The following OSBPL3 variants were observed in gnomAD, a reference collection of about 807,000 sequenced individuals.
OSBPL3 encodes oxysterol binding protein like 3, also known as oxysterol-binding protein-related protein 3.
Under a neutral mutation model 120.1 loss-of-function variants are expected in OSBPL3, and 65 were observed. That is an observed-to-expected ratio of 0.54 (90% CI 0.44 to 0.67). The LOEUF (loss-of-function observed/expected upper bound fraction) is 0.67, where lower values mean the gene tolerates loss of function less well. Among genes scored for constraint, OSBPL3 ranks in the 30% least tolerant of loss-of-function variants. The pLI is 0.00. For synonymous variants in OSBPL3, 416 were observed against 402.6 expected, an observed-to-expected ratio of 1.03 and a Z score of -0.40; for missense variants, 1,004 against 1,082.1, an observed-to-expected ratio of 0.93 and a Z score of 1.01.
Position 24,820,818 on chromosome 7 carries a change from A to G in OSBPL3, c.1885-580T>C, listed in dbSNP as rs983480629. Among the ~76,000 whole-genome samples the G allele has an allele frequency of 3.7e-5, 1 of 27,240 alleles. No homozygotes were observed. Among genetic ancestry groups the G allele is most frequent in the Non-Finnish European group, 5.7e-5 (1 of 17,628 alleles). The allele number at this position is 27,240 out of a possible 152,430, so 17.9% of individuals were successfully genotyped here. Reference sequence around the variant, plus strand: ...TTTTTTAAAAAAGAGTGTTTCTATTAAAAAAAAAAAAGGTAAACACAATTG... The same window carrying G: ...TTTTTTAAAAAAGAGTGTTTCTATTGAAAAAAAAAAAGGTAAACACAATTG... On this transcript the variant is annotated intron_variant, in intron 16 of 22. Transcript: ENST00000313367. The surrounding 1 kb of genome is among the most constrained non-coding windows in gnomAD (Gnocchi z 4.6).
chr7:24,902,280 T>A (rs1330381285), intron 1 of OSBPL3, among the ~76,000 whole-genome samples: 1 of 152,214 alleles, frequency 6.6e-6, no homozygotes, highest in Non-Finnish European at 1.5e-5. Context: ...TATATACAAA[T>A]ACCCATATTA....
At chr7:24,919,205 A>T (rs1481980384) in intron 1 of OSBPL3, among the ~76,000 whole-genome samples, 1 of 152,168 alleles carries the variant, frequency 6.6e-6, no homozygotes, top group Non-Finnish European at 1.5e-5. Flanking sequence ...TCAGCATCAC[A>T]TCAAAAAATA....
rs747855606 is a variant in OSBPL3, at chr7:24,870,862, A to G, written c.268-17T>C. ...TCTCTCTATCTGCAGAGGCACCAAGAGGGTCACTTGGGGACCATGGTGTTA... is the reference window on the plus strand; with the variant it reads ...TCTCTCTATCTGCAGAGGCACCAAGGGGGTCACTTGGGGACCATGGTGTTA... On this transcript the variant is annotated splice_polypyrimidine_tract_variant and intron_variant, in intron 4 of 22. Coordinates refer to ENST00000313367, the MANE Select transcript of OSBPL3 (RefSeq NM_015550.4). 1.3e-6 allele frequency: 2 copies of G among 1,522,502 alleles called. No individual in the cohort carries two copies. Among genetic ancestry groups the G allele is most frequent in the East Asian group, 4.5e-5 (2 of 44,472 alleles). 94.3% of individuals were successfully genotyped at this position (1,522,502 alleles called of 1,614,324 possible).
Position 24,863,690 on chromosome 7 carries a change from T to A in OSBPL3, c.674-91A>T. On this transcript the variant is annotated intron_variant, in intron 7 of 22. Coordinates refer to ENST00000313367, the MANE Select transcript of OSBPL3 (RefSeq NM_015550.4). This position sits in a 1 kb window ranked among gnomAD's most constrained non-coding sequence, Gnocchi z 5.8. ...CATGCCAGCTACTTTTCCTTATTTATCTGTAGTTGATTTTTTTTTTCATCT... is the reference window on the plus strand; with the variant it reads ...CATGCCAGCTACTTTTCCTTATTTAACTGTAGTTGATTTTTTTTTTCATCT... The A allele has an allele frequency of 2.4e-6, 2 of 830,574 alleles. No homozygotes were observed. The highest frequency in any genetic ancestry group is 3.9e-6 in the Non-Finnish European group (2 of 507,534). The allele number at this position is 830,574 out of a possible 1,614,324, so 51.5% of individuals were successfully genotyped here. A position where few individuals can be genotyped will look rare whatever the true frequency, so the allele number is the denominator to read the frequency against.
At position 24,967,367 on chromosome 7, in the gene OSBPL3, T is replaced by C. The variant is rs751840967; in HGVS notation, c.-150+12519A>G. Among the ~76,000 whole-genome samples, 51 of 152,302 alleles carry C rather than the reference T, an allele frequency of 3.3e-4. No individual in the cohort carries two copies. The highest frequency in any genetic ancestry group is 6.2e-4 in the Non-Finnish European group (42 of 68,020). On this transcript the variant is annotated intron_variant, in intron 1 of 22. Coordinates refer to ENST00000313367, the MANE Select transcript of OSBPL3 (RefSeq NM_015550.4). This position sits in a 1 kb window ranked among gnomAD's most constrained non-coding sequence, Gnocchi z 5.6. The stretch of plus-strand genomic sequence containing the variant: ...TTTTCACCTTTGCTCATCACTCCCC[T>C]CTACCTGAAATGTCCTTCTCTCCCA...
chr7:24,888,650 A>G (rs1028458912), intron 2 of OSBPL3, among the ~76,000 whole-genome samples: 3 of 152,228 alleles, frequency 2.0e-5, no homozygotes, highest in African/African-American at 7.2e-5. Flanking sequence ...GAAAACACCT[A>G]GGTCTCAATC....
intron 2 of OSBPL3, among the ~76,000 whole-genome samples, chr7:24,884,294 T>C (rs940889126): frequency 2.2e-4 from 34 of 152,314 alleles, no homozygotes; most frequent in African/African-American, 7.9e-4. Context: ...AAACAGTTGG[T>C]TGCCGGGTCA....
intron 6 of OSBPL3, 77 bp downstream of exon 6, chr7:24,865,993 A>T: frequency 1.6e-6 from 2 of 1,220,410 alleles, no homozygotes; most frequent in South Asian, 1.3e-5. Context: ...CCTTCTTCGG[A>T]CTCAGCTCCC....
intron 1 of OSBPL3, among the ~76,000 whole-genome samples, chr7:24,928,690 C>T (rs1407883619): frequency 6.6e-6 from 1 of 152,168 alleles, no homozygotes; most frequent in Non-Finnish European, 1.5e-5. Context: ...CAACTCTAAC[C>T]CTGATGCCTC....
rs964408894 is a variant in OSBPL3, at chr7:24,820,105, A to C, written c.1948+70T>G. On this transcript the variant is annotated intron_variant, in intron 17 of 22. Transcript: ENST00000313367. The surrounding 1 kb of genome is among the most constrained non-coding windows in gnomAD (Gnocchi z 4.6). Reference sequence around the variant, plus strand: ...TTTGATCTCAGTAAGAATTGACAGCAATTCTTGGATAAAATAAATAGATAA... The same window carrying C: ...TTTGATCTCAGTAAGAATTGACAGCCATTCTTGGATAAAATAAATAGATAA... 1.2e-5 allele frequency: 14 copies of C among 1,153,554 alleles called. No individual in the cohort carries two copies. The highest frequency in any genetic ancestry group is 3.8e-5 in the Admixed American group (2 of 53,154). The allele number at this position is 1,153,554 out of a possible 1,614,324, so 71.5% of individuals were successfully genotyped here.
intron 1 of OSBPL3, among the ~76,000 whole-genome samples, chr7:24,954,005 A>T (rs1814751446): frequency 6.6e-6 from 1 of 152,242 alleles, no homozygotes; most frequent in Non-Finnish European, 1.5e-5. Context: ...GTACACTGGA[A>T]GTGGCAGCTC....
intron 12 of OSBPL3, among the ~76,000 whole-genome samples, chr7:24,848,617 A>G (rs962212260): frequency 7.9e-5 from 12 of 152,200 alleles, no homozygotes; most frequent in Non-Finnish European, 1.6e-4. Context: ...CATTCTATAA[A>G]AGAAAAAGAA....
At chr7:24,878,982 A>T (rs1490252784) in intron 2 of OSBPL3, among the ~76,000 whole-genome samples, 3 of 152,228 alleles carry the variant, frequency 2.0e-5, no homozygotes, top group African/African-American at 4.8e-5. Context: ...ACAGAATCTG[A>T]AGGCAAAACC....
chr7:24,919,019 A>C (rs1265461379), intron 1 of OSBPL3, among the ~76,000 whole-genome samples: 1 of 152,210 alleles, frequency 6.6e-6, no homozygotes, highest in Non-Finnish European at 1.5e-5. Context: ...TAAGAAACAG[A>C]GCCAGTGGCC....
chr7:24,903,625 T>A (rs1807395480), intron 1 of OSBPL3, among the ~76,000 whole-genome samples: 1 of 152,228 alleles, frequency 6.6e-6, no homozygotes, highest in African/African-American at 2.4e-5. Context: ...AGCGGACTTT[T>A]CAGAAGTCTG....
chr7:24,846,132 T>C (rs530062341), intron 12 of OSBPL3, among the ~76,000 whole-genome samples: 18 of 152,350 alleles, frequency 1.2e-4, no homozygotes, highest in African/African-American at 3.6e-4. Flanking sequence ...ATAACATCTA[T>C]GCTTGAGAGA....
In OSBPL3 at chr7:24,861,774, A is replaced by G; in HGVS notation, c.871-5T>C. On this transcript the variant is annotated splice_polypyrimidine_tract_variant and splice_region_variant and intron_variant, in intron 9 of 22. Coordinates refer to ENST00000313367, the MANE Select transcript of OSBPL3 (RefSeq NM_015550.4). ...GCCAGAAAAAGGTTTCGGGACCTGA[A>G]GTAACACCAAAGGGAGATATTTCTT... The G allele has an allele frequency of 6.4e-7, 1 of 1,573,046 alleles. No individual in the cohort carries two copies.
In OSBPL3 at chr7:24,834,821, G is replaced by C. The variant is rs1796811466; in HGVS notation, c.1496-85C>G. ...TAATCCACGAATAAAACCTTACGTA[G>C]CAAGTAGTCAATGTTACTATTAAAC... On this transcript the variant is annotated intron_variant, in intron 14 of 22. Coordinates refer to ENST00000313367, the MANE Select transcript of OSBPL3 (RefSeq NM_015550.4). This position sits in a 1 kb window ranked among gnomAD's most constrained non-coding sequence, Gnocchi z 5.2. The C allele has an allele frequency of 1.6e-6, 2 of 1,224,820 alleles. No homozygotes were observed. The highest frequency in any genetic ancestry group is 5.3e-5 in the Admixed American group (2 of 37,392). 75.9% of individuals were successfully genotyped at this position (1,224,820 alleles called of 1,614,324 possible).
intron 1 of OSBPL3, among the ~76,000 whole-genome samples, chr7:24,908,148 T>C (rs1179355437): frequency 6.6e-6 from 1 of 152,244 alleles, no homozygotes; most frequent in African/African-American, 2.4e-5. Context: ...AGAGATGTTA[T>C]GCCCAAAGCA....
Sources: allele counts gnomAD v4.1 joint callset (sites outside exome capture counted in the v4.1 genomes callset), GRCh38; gene constraint gnomAD v4.1.1; non-coding constraint Gnocchi (gnomAD v3.1); transcripts MANE v1.5; gene names NCBI Gene and HGNC (gene_info 2026-07-23, HGNC 2026-07-21).